The following CTNNA3 variants were observed in gnomAD, a reference collection of about 807,000 sequenced individuals.
CTNNA3 encodes catenin alpha 3, also known as catenin alpha-3.
In CTNNA3, 76 loss-of-function variants were observed where a neutral mutation model predicts 95.7. The observed-to-expected ratio is 0.79, with a 90% CI of 0.66 to 0.96. The LOEUF is 0.96. CTNNA3 is among the 40% of genes least tolerant of loss of function. The pLI is 0.00. For missense variants in CTNNA3, 1,191 were observed against 1,089.8 expected (o/e 1.09, Z -1.31); for synonymous variants, 431 against 374.4 (o/e 1.15, Z -1.74).
chr10:67,417,227 T>C (rs1179762119), intron 5 of CTNNA3, among the ~76,000 whole-genome samples: 2 of 152,098 alleles, frequency 1.3e-5, no homozygotes, highest in Non-Finnish European at 2.9e-5. Flanking sequence ...TTTGCACTTA[T>C]AAGTGGGAGC....
At chr10:65,985,739 C>A (rs1001634719) in intron 16 of CTNNA3, among the ~76,000 whole-genome samples, 1 of 151,458 alleles carries the variant, frequency 6.6e-6, no homozygotes, top group Non-Finnish European at 1.5e-5. Context: ...CTACTGTCAC[C>A]ATTTTTATTC....
rs546219998 is a variant in CTNNA3 at position 66,783,615 on chromosome 10, G to A, written c.1048-8091C>T. ...GAGAAATGCAATATTTTATGCTGTC[G>A]ATTACACTGTGAGCTCCTGTGAGCT... On this transcript the variant is annotated intron_variant, in intron 7 of 17. Coordinates refer to ENST00000433211, the MANE Select transcript of CTNNA3 (RefSeq NM_013266.4). Among the ~76,000 whole-genome samples, 412 of 147,564 alleles carry A rather than the reference G, an allele frequency of 2.8e-3. 10 individuals carry two copies. The highest frequency in any genetic ancestry group is 6.8e-3 in the Middle Eastern group (2 of 292).
chr10:66,827,929 A>G lies in CTNNA3; in HGVS notation c.1048-52405T>C, dbSNP rs192797408. The stretch of plus-strand genomic sequence containing the variant: ...AGAGATGAAACCGAGATGATATAAA[A>G]CACAGGCTGACTTCAAAATGGAGAA... On this transcript the variant is annotated intron_variant, in intron 7 of 17. Transcript: ENST00000433211. Among the ~76,000 whole-genome samples, 362 of 152,362 alleles carry G rather than the reference A, an allele frequency of 2.4e-3. 1 individual carries two copies. Among genetic ancestry groups the G allele is most frequent in the African/African-American group, 8.3e-3 (345 of 41,582 alleles).
intron 5 of CTNNA3, among the ~76,000 whole-genome samples, chr10:67,236,671 TAAAAAATA>T (rs1175637365): frequency 2.6e-4 from 38 of 147,268 alleles, no homozygotes; most frequent in Admixed American, 2.2e-3. Context: ...TAATAATAAA[TAAAAAATA>T]AAAAAATAAA....
At chr10:66,416,852 A>G (rs1033339791) in intron 11 of CTNNA3, among the ~76,000 whole-genome samples, 3 of 152,058 alleles carry the variant, frequency 2.0e-5, no homozygotes, top group African/African-American at 7.2e-5. Context: ...ATCTACATGA[A>G]AACACACAAA....
intron 6 of CTNNA3, among the ~76,000 whole-genome samples, chr10:67,216,704 C>G (rs961903604): frequency 6.6e-6 from 1 of 152,088 alleles, no homozygotes; most frequent in African/African-American, 2.4e-5. Context: ...ACATACATAT[C>G]ATTTGTTATC....
chr10:66,800,889 G>T (rs532508413), intron 7 of CTNNA3, among the ~76,000 whole-genome samples: 1 of 151,180 alleles, frequency 6.6e-6, no homozygotes, highest in African/African-American at 2.4e-5. Context: ...TGACAAAAAT[G>T]GCACCAACAC....
chr10:67,036,703 G>A lies in CTNNA3; in HGVS notation c.1047+143614C>T, dbSNP rs1455379858. Reference sequence around the variant, plus strand: ...GTATACTTTTTAAAGGATAAATATCGAGGCTGTGCCCATTCATTTGTTTAT... The same window carrying A: ...GTATACTTTTTAAAGGATAAATATCAAGGCTGTGCCCATTCATTTGTTTAT... On this transcript the variant is annotated intron_variant, in intron 7 of 17. Transcript: ENST00000433211. 3.3e-5 allele frequency among the ~76,000 whole-genome samples: 5 copies of A among 152,172 alleles called. No individual in the cohort carries two copies. The East Asian group carries it at 7.7e-4, about 24-fold the overall frequency.
intron 1 of CTNNA3, among the ~76,000 whole-genome samples, chr10:67,668,907 C>T (rs1265295243): frequency 2.1e-5 from 3 of 140,268 alleles, no homozygotes; most frequent in African/African-American, 5.4e-5. Flanking sequence ...GGCGTGATCT[C>T]GGCTTACTGC....
At chr10:67,074,913 C>T (rs1208047495) in intron 7 of CTNNA3, among the ~76,000 whole-genome samples, 1 of 152,092 alleles carries the variant, frequency 6.6e-6, no homozygotes, top group Non-Finnish European at 1.5e-5. Context: ...CTATATTTAA[C>T]ACACAGACAT....
intron 1 of CTNNA3, among the ~76,000 whole-genome samples, chr10:67,723,701 C>T (rs1841192732): frequency 6.6e-6 from 1 of 152,276 alleles, no homozygotes; most frequent in East Asian, 1.9e-4. Context: ...CATAAAGTAT[C>T]CTCTGTATCA....
At chr10:66,021,827 G>T (rs570821337) in intron 15 of CTNNA3, among the ~76,000 whole-genome samples, 1 of 129,822 alleles carries the variant, frequency 7.7e-6, no homozygotes, top group African/African-American at 2.9e-5. Flanking sequence ...AGAATAATCT[G>T]GAAATTCCAT....
At chr10:66,360,088 A>G (rs1178945179) in intron 12 of CTNNA3, among the ~76,000 whole-genome samples, 1 of 152,020 alleles carries the variant, frequency 6.6e-6, no homozygotes, top group African/African-American at 2.4e-5. Context: ...TGGCCTCCCA[A>G]AGTGCTGGGA....
At chr10:67,672,092 G>A (rs1005199078) in intron 1 of CTNNA3, among the ~76,000 whole-genome samples, 4 of 152,286 alleles carry the variant, frequency 2.6e-5, no homozygotes, top group Admixed American at 1.3e-4. Flanking sequence ...GTTTTGATTT[G>A]CATTTCTCTG....
chr10:67,140,090 T>C (rs1306507666), intron 7 of CTNNA3, among the ~76,000 whole-genome samples: 7 of 152,198 alleles, frequency 4.6e-5, no homozygotes, highest in Admixed American at 2.6e-4. Flanking sequence ...ATTGATGGGA[T>C]GTTTTATTTC....
chr10:66,367,563 C>A (rs1484637780), intron 12 of CTNNA3, among the ~76,000 whole-genome samples: 4 of 149,370 alleles, frequency 2.7e-5, no homozygotes, highest in Non-Finnish European at 4.4e-5. Context: ...TATTCAAAAC[C>A]AGCATAACAG....
chr10:67,200,184 T>G (rs1322306672), intron 6 of CTNNA3, among the ~76,000 whole-genome samples: 1 of 152,152 alleles, frequency 6.6e-6, no homozygotes, highest in African/African-American at 2.4e-5. Context: ...GTACCCTGTA[T>G]GAGAAATGAT....
intron 7 of CTNNA3, among the ~76,000 whole-genome samples, chr10:67,118,124 G>A (rs545833394): frequency 6.6e-6 from 1 of 152,018 alleles, no homozygotes; most frequent in East Asian, 1.9e-4. Context: ...CCAGTAAACA[G>A]CACTTTAGGA....
At chr10:65,955,371 C>A (rs563923130) in intron 17 of CTNNA3, among the ~76,000 whole-genome samples, 1 of 152,114 alleles carries the variant, frequency 6.6e-6, no homozygotes, top group East Asian at 1.9e-4. Context: ...TAATTGAATA[C>A]CCTTTATTTT....
Sources: allele counts gnomAD v4.1 joint callset (sites outside exome capture counted in the v4.1 genomes callset), GRCh38; gene constraint gnomAD v4.1.1; transcripts MANE v1.5; gene names NCBI Gene and HGNC (gene_info 2026-07-23, HGNC 2026-07-21).